Variants in CAMK1D observed in about 807,000 individuals in gnomAD.
CAMK1D encodes calcium/calmodulin dependent protein kinase ID, also known as calcium/calmodulin-dependent protein kinase type 1D.
A neutral mutation model predicts 47.7 loss-of-function variants in CAMK1D; 9 were observed. The ratio of observed to expected loss-of-function variants is 0.19; its 90% CI spans 0.11 to 0.33. CAMK1D has a LOEUF of 0.33. Ranked by LOEUF, CAMK1D falls within the 10% of genes least tolerant of loss-of-function variation. CAMK1D has a pLI of 1.00. For missense variants in CAMK1D, 291 were observed against 488.7 expected, an observed-to-expected ratio of 0.60 and a Z score of 3.81; for synonymous variants, 184 against 184.9, an observed-to-expected ratio of 0.99 and a Z score of 0.04.
chr10:12,536,507 G>A (rs1835975529), intron 1 of CAMK1D, among the ~76,000 whole-genome samples: 1 of 152,130 alleles, frequency 6.6e-6, no homozygotes, highest in African/African-American at 2.4e-5. Flanking sequence ...TCGCTCTCCT[G>A]AGCTCAGGTG....
intron 1 of CAMK1D, among the ~76,000 whole-genome samples, chr10:12,549,340 C>T (rs912352590): frequency 1.3e-5 from 2 of 152,174 alleles, no homozygotes; most frequent in African/African-American, 4.8e-5. Context: ...GATTTATTTC[C>T]TTTAGCATAA....
At chr10:12,771,497 A>G (rs1329310310) in intron 5 of CAMK1D, among the ~76,000 whole-genome samples, 7 of 152,260 alleles carry the variant, frequency 4.6e-5, no homozygotes. Context: ...TGTCAAGCTC[A>G]AGTGTCATAG....
intron 1 of CAMK1D, among the ~76,000 whole-genome samples, chr10:12,546,305 G>T (rs191142419): frequency 6.6e-6 from 1 of 152,090 alleles, no homozygotes; most frequent in East Asian, 1.9e-4. Flanking sequence ...ATGGAGGAGC[G>T]GGCGGGCATT....
At chr10:12,734,153 C>G (rs766117621) in intron 3 of CAMK1D, among the ~76,000 whole-genome samples, 1 of 150,256 alleles carries the variant, frequency 6.7e-6, no homozygotes, top group Non-Finnish European at 1.5e-5. Context: ...CATGGTGAAA[C>G]CCTGTCTGTA....
chr10:12,431,194 A>T (rs1197312414), intron 1 of CAMK1D, among the ~76,000 whole-genome samples: 1 of 152,182 alleles, frequency 6.6e-6, no homozygotes. Context: ...AAGGAAGAAA[A>T]ATTAAAACAA....
chr10:12,591,090 T>G (rs1837980619), intron 2 of CAMK1D, among the ~76,000 whole-genome samples: 1 of 152,246 alleles, frequency 6.6e-6, no homozygotes, highest in Admixed American at 6.5e-5. Flanking sequence ...CTAAAATTTC[T>G]TTATGCCGCT....
At chr10:12,537,243 TG>T (rs1480006976) in intron 1 of CAMK1D, among the ~76,000 whole-genome samples, 5 of 152,348 alleles carry the variant, frequency 3.3e-5, no homozygotes, top group Non-Finnish European at 5.9e-5. Context: ...GGCTAATTTT[TG>T]TCTTTTTAGT....
chr10:12,823,143 G>A (rs1036355569), intron 8 of CAMK1D, among the ~76,000 whole-genome samples: 8 of 152,300 alleles, frequency 5.3e-5, no homozygotes, highest in African/African-American at 1.7e-4. Context: ...TGCCTGAGCC[G>A]TGTTCCTTTC....
At chr10:12,381,582 T>C (rs1210620319) in intron 1 of CAMK1D, among the ~76,000 whole-genome samples, 2 of 152,162 alleles carry the variant, frequency 1.3e-5, no homozygotes, top group Admixed American at 6.6e-5. Context: ...TGCCTTGGCC[T>C]CCCAAAGTGC....
At chr10:12,384,321 C>T (rs1045627981) in intron 1 of CAMK1D, among the ~76,000 whole-genome samples, 4 of 152,062 alleles carry the variant, frequency 2.6e-5, no homozygotes, top group African/African-American at 9.7e-5. Context: ...TTTCAAAATC[C>T]CAGCTTGCCC....
chr10:12,398,425 TG>T (rs1464071250), intron 1 of CAMK1D, among the ~76,000 whole-genome samples: 1 of 152,232 alleles, frequency 6.6e-6, no homozygotes, highest in East Asian at 1.9e-4. Context: ...CTCAGCTCAC[TG>T]CAACCGCTGC....
intron 2 of CAMK1D, among the ~76,000 whole-genome samples, chr10:12,598,577 T>C (rs1008561789): frequency 6.6e-6 from 1 of 152,050 alleles, no homozygotes; most frequent in Non-Finnish European, 1.5e-5. Context: ...CACTGAGAGA[T>C]TTAAAAACCG....
intron 6 of CAMK1D, among the ~76,000 whole-genome samples, chr10:12,802,482 G>T (rs115044032): frequency 1.3e-5 from 2 of 152,080 alleles, no homozygotes; most frequent in Non-Finnish European, 2.9e-5. Flanking sequence ...AGAACATTCC[G>T]CATTGATTTT....
At chr10:12,432,632 GTGAA>G (rs1265094601) in intron 1 of CAMK1D, among the ~76,000 whole-genome samples, 6 of 152,234 alleles carry the variant, frequency 3.9e-5, no homozygotes, top group Admixed American at 2.0e-4. Flanking sequence ...GAGTTAATGT[GTGAA>G]TGAATGGGCA....
At chr10:12,698,859 G>A (rs979714704) in intron 3 of CAMK1D, among the ~76,000 whole-genome samples, 1 of 151,902 alleles carries the variant, frequency 6.6e-6, no homozygotes, top group African/African-American at 2.4e-5. Flanking sequence ...TTTTAGTAGA[G>A]ACGGGGTTTC....
intron 2 of CAMK1D, among the ~76,000 whole-genome samples, chr10:12,658,937 G>C (rs1840195769): frequency 6.6e-6 from 1 of 152,212 alleles, no homozygotes; most frequent in African/African-American, 2.4e-5. Context: ...CTCTGTCCTT[G>C]TGATAAGGCA....
In CAMK1D at chr10:12,832,704, ACGGTGTAGAGT is replaced by A. The variant is rs1052242761; in HGVS notation, c.*3819_*3829del. 33 of 152,330 alleles carry A rather than the reference ACGGTGTAGAGT, an allele frequency of 2.2e-4. No individual in the cohort carries two copies. Among genetic ancestry groups the A allele is most frequent in the Admixed American group, 2.0e-3 (30 of 15,294 alleles). The allele number at this position is 152,330 out of a possible 1,614,324, so 9.4% of individuals were successfully genotyped here. A position where few individuals can be genotyped will look rare whatever the true frequency, so the allele number is the denominator to read the frequency against. ...TCACTTCTAGCATCTGACCTTGAGA[ACGGTGTAGAGT>A]CTCTGAGCCACCGCTGGCCTTTGAG... On this transcript the variant is annotated 3_prime_UTR_variant, in exon 11 of 11. Transcript: ENST00000619168.
In CAMK1D at chr10:12,828,999, A is replaced by G. The variant is rs1833363011; in HGVS notation, c.*112A>G. On this transcript the variant is annotated 3_prime_UTR_variant, in exon 11 of 11. Coordinates refer to ENST00000619168, the MANE Select transcript of CAMK1D (RefSeq NM_153498.4). ...CACCTTGCATGGTGCCCCTTCCTGC[A>G]TAGGACTGGAAGACCGAAGTTTTTT... 5.5e-6 allele frequency: 4 copies of G among 721,874 alleles called. No individual in the cohort carries two copies. Among genetic ancestry groups the G allele is most frequent in the Non-Finnish European group, 6.7e-6 (3 of 448,652 alleles). The allele number at this position is 721,874 out of a possible 1,614,324, so 44.7% of individuals were successfully genotyped here. A position where few individuals can be genotyped will look rare whatever the true frequency, so the allele number is the denominator to read the frequency against.
At position 12,430,573 on chromosome 10, in the gene CAMK1D, C is replaced by A. The variant is rs78120865; in HGVS notation, c.92+80663C>A. On this transcript the variant is annotated intron_variant, in intron 1 of 10. Transcript: ENST00000619168. ...AGTCTGAGAACGAGGCAGTACATTG[C>A]TGATTTTGCAAACACACTGAGACCA... is the stretch of plus-strand genomic sequence containing the variant. 6.4e-3 allele frequency among the ~76,000 whole-genome samples: 980 copies of A among 152,314 alleles called. 8 individuals carry two copies. The highest frequency in any genetic ancestry group is 0.022 in the African/African-American group (930 of 41,570).
Sources: gnomAD v4.1 joint callset for allele counts (sites outside exome capture counted in the v4.1 genomes callset) on GRCh38, gnomAD v4.1.1 for gene constraint, MANE v1.5 for transcripts, NCBI Gene and HGNC (gene_info 2026-07-23, HGNC 2026-07-21) for gene names.